The following PREX2 variants were observed in gnomAD, a reference collection of about 807,000 sequenced individuals.
PREX2 encodes phosphatidylinositol 3,4,5-trisphosphate-dependent Rac exchanger 2 protein.
PREX2 carries 107 observed loss-of-function variants against 203.2 expected under a neutral mutation model. That is an observed-to-expected ratio of 0.53 (90% CI 0.45 to 0.62). The LOEUF is 0.62. Ranked by LOEUF, PREX2 falls within the 20% of genes least tolerant of loss-of-function variation. PREX2 has a pLI of 0.00. For missense variants in PREX2, 1,777 were observed against 1,955.9 expected (o/e 0.91, Z 1.72); for synonymous variants, 672 against 663.6 (o/e 1.01, Z -0.19).
intron 1 of PREX2, among the ~76,000 whole-genome samples, chr8:67,969,220 G>A (rs1470023781): frequency 6.6e-6 from 1 of 152,124 alleles, no homozygotes; most frequent in Non-Finnish European, 1.5e-5. Context: ...ATGTCTGAAT[G>A]TGGCAGGGGG....
intron 29 of PREX2, among the ~76,000 whole-genome samples, chr8:68,120,505 A>G (rs1810750011): frequency 6.6e-6 from 1 of 152,162 alleles, no homozygotes; most frequent in Non-Finnish European, 1.5e-5. Flanking sequence ...AAAATGTTTA[A>G]TGCCTATAGG....
chr8:68,120,870 A>T, intron 29 of PREX2, 51 bp from the exon 30 acceptor site: 1 of 1,555,898 alleles, frequency 6.4e-7, no homozygotes, highest in South Asian at 1.2e-5. Context: ...TAAAGGCTTC[A>T]TTGTTTAGGA....
intron 11 of PREX2, among the ~76,000 whole-genome samples, chr8:68,065,270 T>C (rs896631405): frequency 6.6e-6 from 1 of 152,234 alleles, no homozygotes; most frequent in African/African-American, 2.4e-5. Context: ...AGTTTTGGAA[T>C]ATCAAGACAA....
chr8:67,966,427 C>T (rs1018157110), intron 1 of PREX2, among the ~76,000 whole-genome samples: 1 of 117,156 alleles, frequency 8.5e-6, no homozygotes, highest in Non-Finnish European at 1.8e-5. Flanking sequence ...GTAAAATCTA[C>T]AGGTTTTTTT....
chr8:68,230,665 A>G (rs1487226326), intron 39 of PREX2, among the ~76,000 whole-genome samples: 1 of 152,126 alleles, frequency 6.6e-6, no homozygotes, highest in Non-Finnish European at 1.5e-5. Flanking sequence ...AGTCTTGAAC[A>G]ACTAGACCTG....
At chr8:68,012,731 A>G (rs1807301584) in intron 1 of PREX2, among the ~76,000 whole-genome samples, 2 of 152,254 alleles carry the variant, frequency 1.3e-5, no homozygotes, top group Non-Finnish European at 2.9e-5. Flanking sequence ...TATTTCAAAG[A>G]TGAAAAGATG....
At chr8:68,113,024 T>C (rs6994133) in intron 25 of PREX2, among the ~76,000 whole-genome samples, 3,525 of 152,272 alleles carry the variant, frequency 0.023, 114 homozygotes, top group African/African-American at 0.072. Flanking sequence ...TGCATGCTGC[T>C]GAAGGTTTTA....
At chr8:68,214,971 G>A (rs1399795193) in intron 37 of PREX2, among the ~76,000 whole-genome samples, 1 of 152,164 alleles carries the variant, frequency 6.6e-6, no homozygotes, top group Non-Finnish European at 1.5e-5. Context: ...TAAAGGTGCA[G>A]CCATCTGTTT....
chr8:67,972,917 A>G (rs1471483276), intron 1 of PREX2, among the ~76,000 whole-genome samples: 1 of 152,148 alleles, frequency 6.6e-6, no homozygotes, highest in African/African-American at 2.4e-5. Context: ...CATGTGCAAA[A>G]CTAAATTCAT....
chr8:68,081,700 C>G (rs559599590), intron 17 of PREX2, among the ~76,000 whole-genome samples: 1 of 152,104 alleles, frequency 6.6e-6, no homozygotes, highest in Admixed American at 6.6e-5. Flanking sequence ...TCTCTCACTT[C>G]ATCAGCCTTT....
intron 18 of PREX2, among the ~76,000 whole-genome samples, chr8:68,086,224 A>C (rs1043866113): frequency 2.0e-5 from 3 of 152,162 alleles, no homozygotes; most frequent in African/African-American, 7.2e-5. Flanking sequence ...TAATACTTTC[A>C]AGTTTTCCGA....
intron 35 of PREX2, among the ~76,000 whole-genome samples, chr8:68,175,581 T>G (rs1811962474): frequency 6.6e-6 from 1 of 152,134 alleles, no homozygotes; most frequent in African/African-American, 2.4e-5. Context: ...CAGAAGGAAC[T>G]GAAATAGTTG....
intron 7 of PREX2, among the ~76,000 whole-genome samples, chr8:68,039,773 C>T (rs1808140016): frequency 1.3e-5 from 2 of 152,166 alleles, no homozygotes; most frequent in Non-Finnish European, 2.9e-5. Context: ...ATTAGAAAAT[C>T]TTCCTGCATC....
chr8:68,159,928 C>A (rs1395711728), intron 35 of PREX2, among the ~76,000 whole-genome samples: 1 of 152,066 alleles, frequency 6.6e-6, no homozygotes, highest in South Asian at 2.1e-4. Flanking sequence ...GTATACTTCA[C>A]CCAATTGCTA....
chr8:68,128,672 A>T (rs1357130708), intron 31 of PREX2, among the ~76,000 whole-genome samples: 1 of 152,304 alleles, frequency 6.6e-6, no homozygotes, highest in South Asian at 2.1e-4. Context: ...GCAGGGTTCC[A>T]GGAAGACAGT....
chr8:68,158,130 T>C (rs1216845673), intron 35 of PREX2, among the ~76,000 whole-genome samples: 1 of 149,472 alleles, frequency 6.7e-6, no homozygotes, highest in East Asian at 1.9e-4. Flanking sequence ...TATGTATATA[T>C]ATATACACAC....
At chr8:68,155,441 T>G (rs775439538) in intron 34 of PREX2, among the ~76,000 whole-genome samples, 10 of 152,190 alleles carry the variant, frequency 6.6e-5, no homozygotes, top group Non-Finnish European at 1.5e-4. Context: ...CTTTAAAATT[T>G]TATTGTTTTT....
intron 1 of PREX2, among the ~76,000 whole-genome samples, chr8:68,010,477 G>A (rs1807226841): frequency 1.3e-5 from 2 of 152,188 alleles, no homozygotes; most frequent in Non-Finnish European, 2.9e-5. Context: ...AATGGGACTA[G>A]GCTGTGGATG....
intron 19 of PREX2, among the ~76,000 whole-genome samples, chr8:68,089,087 G>T (rs1809786401): frequency 6.6e-6 from 1 of 152,060 alleles, no homozygotes; most frequent in Admixed American, 6.6e-5. Flanking sequence ...TTCTCGTGTG[G>T]GTCACTGCAG....
Sources: gnomAD v4.1 joint callset for allele counts (sites outside exome capture counted in the v4.1 genomes callset) on GRCh38, gnomAD v4.1.1 for gene constraint, MANE v1.5 for transcripts, NCBI Gene and HGNC (gene_info 2026-07-23, HGNC 2026-07-21) for gene names.